CYFIP2: variants seen among roughly 807,000 people sequenced by gnomAD.
CYFIP2 encodes the protein cytoplasmic FMR1 interacting protein 2, also known as cytoplasmic FMR1-interacting protein 2.
CYFIP2 carries 29 observed loss-of-function variants against 158.7 expected under a neutral mutation model. The ratio of observed to expected loss-of-function variants is 0.18; its 90% confidence interval spans 0.14 to 0.25. CYFIP2 has a LOEUF of 0.25. Among genes scored for constraint, CYFIP2 ranks in the 10% least tolerant of loss-of-function variants. CYFIP2 has a pLI of 1.00. For synonymous variants in CYFIP2, 585 were observed against 617.6 expected (o/e 0.95, Z 0.78); for missense variants, 852 against 1,639.5 (o/e 0.52, Z 8.29).
intron 16 of CYFIP2, among the ~76,000 whole-genome samples, chr5:157,324,445 C>T (rs1397011838): frequency 6.6e-6 from 1 of 152,168 alleles, no homozygotes; most frequent in Non-Finnish European, 1.5e-5. Flanking sequence ...AGGGGAGGCT[C>T]TCGAGCTGCA....
intron 3 of CYFIP2, chr5:157,288,501 G>A (rs1316129105): frequency 1.4e-5 from 6 of 431,142 alleles, no homozygotes; most frequent in Non-Finnish European, 2.8e-5. Flanking sequence ...TCAGAGGACT[G>A]TGTAAATGCT....
intron 28 of CYFIP2, chr5:157,384,301 A>G: frequency 2.2e-6 from 1 of 456,768 alleles, no homozygotes; most frequent in South Asian, 1.5e-5. Flanking sequence ...ATCTCCTTTC[A>G]AGTTGATTTC....
rs372286637 is a variant in CYFIP2, at chr5:157,361,502, C to T, written c.2943C>T (p.Asp981=). 293 of 1,614,070 alleles carry T rather than the reference C, an allele frequency of 1.8e-4. No individual in the cohort carries two copies. In the African/African-American group the frequency reaches 3.3e-3, roughly 18 times the overall value. Residue 981 remains aspartate, a synonymous_variant, in exon 26 of 31, where the codon GAC becomes GAT. Coordinates refer to ENST00000620254, the MANE Select transcript of CYFIP2 (RefSeq NM_001037333.3). The surrounding 1 kb of genome is among the most constrained non-coding windows in gnomAD (Gnocchi z 4.4). ...AGTTCTTCCACCACCAGCTGAAGGA[C>T]ATCATTGAGTACGCAGAGCTCAAAA... The part of the protein sequence containing the change: ...ILEFFHHQLK[D]IIEYAELKTD...
In CYFIP2 at chr5:157,393,675, G is replaced by A. The variant is rs1767528263; in HGVS notation, c.*675G>A. The A allele has an allele frequency of 6.6e-6, 1 of 152,324 alleles. No individual in the cohort carries two copies. The highest frequency in any genetic ancestry group is 2.4e-5 in the African/African-American group (1 of 41,442). The allele number at this position is 152,324 out of a possible 1,614,324, so 9.4% of individuals were successfully genotyped here. A position where few individuals can be genotyped will look rare whatever the true frequency, so the allele number is the denominator to read the frequency against. On this transcript the variant is annotated 3_prime_UTR_variant, in exon 31 of 31. Coordinates refer to ENST00000620254, the MANE Select transcript of CYFIP2 (RefSeq NM_001037333.3). Reference sequence around the variant, plus strand: ...TAGGAGACTGATCAGGCCTGCTGTGGGGAAGCAGTATGTATGAACACAGCC... The same window carrying A: ...TAGGAGACTGATCAGGCCTGCTGTGAGGAAGCAGTATGTATGAACACAGCC...
At chr5:157,319,970 A>C (rs768578632) in intron 14 of CYFIP2, 42 bp downstream of exon 14, 2 of 1,603,076 alleles carry the variant, frequency 1.2e-6, no homozygotes, top group Non-Finnish European at 1.7e-6. Context: ...AGACATAAGC[A>C]TGCCAGGTAC....
rs1760438833 is a variant in CYFIP2, at chr5:157,319,746, G to A, written c.1357-16G>A. ...CTGGACATGGTGAACATGACCCTTG[G>A]CCTCTTCCTGCCCAGGTGATCGCCA... On this transcript the variant is annotated splice_polypyrimidine_tract_variant and intron_variant, in intron 13 of 30. Coordinates refer to ENST00000620254, the MANE Select transcript of CYFIP2 (RefSeq NM_001037333.3). The A allele has an allele frequency of 6.2e-7, 1 of 1,613,452 alleles. No individual in the cohort carries two copies.
Position 157,325,630 on chromosome 5 carries a change from C to A in CYFIP2, c.1974C>A (p.Ser658=), listed in dbSNP as rs920914193. ...ATATCCTGGAAACCAAAGAACCTTC[C>A]ATGATGGAGTAAGAGGCAGGATTGG... ...TDHILETKEP[S]MMEYVLYPLD... The change falls in exon 17 of 31, where the codon TCC becomes TCA. Residue 658 remains serine, a synonymous_variant. Coordinates refer to ENST00000620254, the MANE Select transcript of CYFIP2 (RefSeq NM_001037333.3). The A allele has an allele frequency of 6.2e-7, 1 of 1,607,326 alleles. No homozygotes were observed. The highest frequency in any genetic ancestry group is 1.3e-5 in the African/African-American group (1 of 74,776).
At chr5:157,288,564 G>A in intron 3 of CYFIP2, 1 of 455,664 alleles carries the variant, frequency 2.2e-6, no homozygotes, top group South Asian at 1.6e-5. Context: ...AGTGAGTCAA[G>A]TGGGAAATAG....
intron 23 of CYFIP2, among the ~76,000 whole-genome samples, chr5:157,343,771 G>A (rs565921442): frequency 5.6e-4 from 86 of 152,224 alleles, no homozygotes; most frequent in African/African-American, 2.0e-3. Flanking sequence ...CCTAAGAACA[G>A]ATGCACCCAT....
At chr5:157,364,028 T>C (rs1764104047) in intron 26 of CYFIP2, 1 of 152,072 alleles carries the variant, frequency 6.6e-6, no homozygotes, top group South Asian at 2.1e-4. Flanking sequence ...TAAGGAGTAA[T>C]TGCTTCTCTG....
In CYFIP2 at chr5:157,311,158, C is replaced by T. The variant is rs554827180; in HGVS notation, c.993-506C>T. 40 of 451,586 alleles carry T rather than the reference C, an allele frequency of 8.9e-5. No homozygotes were observed. Among genetic ancestry groups the T allele is most frequent in the African/African-American group, 7.6e-4 (38 of 50,024 alleles). 28.0% of individuals were successfully genotyped at this position (451,586 alleles called of 1,614,324 possible). A position where few individuals can be genotyped will look rare whatever the true frequency, so the allele number is the denominator to read the frequency against. On this transcript the variant is annotated intron_variant, in intron 10 of 30. Coordinates refer to ENST00000620254, the MANE Select transcript of CYFIP2 (RefSeq NM_001037333.3). This position sits in a 1 kb window ranked among gnomAD's most constrained non-coding sequence, Gnocchi z 4.7. ...CGTCTCAGAGTGGCCCTGGCTTCTC[C>T]CACCACAGTGTGCTTCCATGTTGCC... is the stretch of plus-strand genomic sequence containing the variant.
intron 3 of CYFIP2, among the ~76,000 whole-genome samples, chr5:157,289,118 C>T (rs1757624908): frequency 6.6e-6 from 1 of 152,148 alleles, no homozygotes; most frequent in Non-Finnish European, 1.5e-5. Flanking sequence ...TGCTCATGAT[C>T]CCACAACCAG....
chr5:157,294,889 T>G, intron 4 of CYFIP2, 29 bp downstream of exon 4: 2 of 1,595,760 alleles, frequency 1.3e-6, no homozygotes, highest in Non-Finnish European at 1.7e-6. Context: ...TGTGTCTCTT[T>G]CCCCTCCAGA....
chr5:157,374,878 T>A (rs1765316570), intron 26 of CYFIP2, among the ~76,000 whole-genome samples: 1 of 152,178 alleles, frequency 6.6e-6, no homozygotes, highest in Non-Finnish European at 1.5e-5. Flanking sequence ...GTTCCTGGGG[T>A]CTTTGCTGAT....
chr5:157,369,548 A>G (rs548250613), intron 26 of CYFIP2, among the ~76,000 whole-genome samples: 1 of 152,340 alleles, frequency 6.6e-6, no homozygotes, highest in Non-Finnish European at 1.5e-5. Flanking sequence ...CATTTGAGAC[A>G]GAGGCAATCC....
At chr5:157,303,129 C>G in intron 7 of CYFIP2, 1 of 443,834 alleles carries the variant, frequency 2.3e-6, no homozygotes, top group Non-Finnish European at 4.1e-6. Context: ...TGCTCTGACC[C>G]TGCATCAGGG....
chr5:157,344,313 T>C (rs1762520153), intron 23 of CYFIP2, among the ~76,000 whole-genome samples: 1 of 152,208 alleles, frequency 6.6e-6, no homozygotes, highest in East Asian at 1.9e-4. Context: ...TGCTAGATGA[T>C]TCACAGGCAG....
chr5:157,269,358 G>C (rs1755886043), intron 1 of CYFIP2: 1 of 152,096 alleles, frequency 6.6e-6, no homozygotes, highest in Admixed American at 6.5e-5. Flanking sequence ...TTAAGGAAGG[G>C]CCTCTTCCTC....
intron 21 of CYFIP2, among the ~76,000 whole-genome samples, chr5:157,336,913 C>A (rs11134699): frequency 0.46 from 70,615 of 152,028 alleles, 18,248 homozygotes; most frequent in African/African-American, 0.71. Flanking sequence ...GGGTTACATA[C>A]TGTGCAGGGA....
Sources: allele counts gnomAD v4.1 joint callset (sites outside exome capture counted in the v4.1 genomes callset), GRCh38; gene constraint gnomAD v4.1.1; non-coding constraint Gnocchi (gnomAD v3.1); transcripts MANE v1.5; gene names NCBI Gene and HGNC (gene_info 2026-07-23, HGNC 2026-07-21).